The following EYS variants were observed in gnomAD, a reference collection of about 807,000 sequenced individuals.
The protein encoded by EYS is protein eyes shut homolog.
EYS carries 250 observed loss-of-function variants against 282.1 expected under a neutral mutation model. The ratio of observed to expected loss-of-function variants is 0.89; its 90% CI spans 0.80 to 0.98. EYS has a LOEUF of 0.98. EYS is among the 50% of genes least tolerant of loss of function. EYS has a pLI of 0.00. For missense variants in EYS, 4,016 were observed against 3,709.0 expected (o/e 1.08, Z -2.15); for synonymous variants, 1,355 against 1,282.9 (o/e 1.06, Z -1.20).
chr6:65,556,309 T>A (rs1275177519), intron 2 of EYS, among the ~76,000 whole-genome samples: 6 of 152,064 alleles, frequency 3.9e-5, no homozygotes, highest in Non-Finnish European at 5.9e-5. Context: ...CATTTATTTT[T>A]AAAAATATAT....
intron 22 of EYS, among the ~76,000 whole-genome samples, chr6:64,785,807 A>T (rs1482401855): frequency 1.3e-5 from 2 of 152,196 alleles, no homozygotes; most frequent in Non-Finnish European, 2.9e-5. Flanking sequence ...TAAATAAAGT[A>T]GATAAAGTCC....
At chr6:65,417,100 A>T (rs956209430) in intron 5 of EYS, among the ~76,000 whole-genome samples, 9 of 151,982 alleles carry the variant, frequency 5.9e-5, no homozygotes, top group Admixed American at 3.3e-4. Flanking sequence ...AGATAAACAA[A>T]ATAATTATTT....
chr6:63,957,110 C>G (rs1237726708), intron 35 of EYS, among the ~76,000 whole-genome samples: 1 of 142,596 alleles, frequency 7.0e-6, no homozygotes, highest in African/African-American at 2.4e-5. Flanking sequence ...TAACTCATGC[C>G]CGGATGAAGC....
At chr6:63,929,610 C>T (rs920499449) in intron 35 of EYS, among the ~76,000 whole-genome samples, 2 of 152,174 alleles carry the variant, frequency 1.3e-5, no homozygotes, top group Non-Finnish European at 2.9e-5. Flanking sequence ...TCAGCTGCTT[C>T]GAAAGGAAGG....
At chr6:64,853,676 T>G (rs1407266128) in intron 19 of EYS, among the ~76,000 whole-genome samples, 1 of 152,110 alleles carries the variant, frequency 6.6e-6, no homozygotes, top group Non-Finnish European at 1.5e-5. Flanking sequence ...GGCAATACCA[T>G]TCAGGACATA....
In EYS at chr6:65,139,306, G is replaced by A. The variant is rs566079871; in HGVS notation, c.2024-81579C>T. On this transcript the variant is annotated intron_variant, in intron 12 of 42. Transcript: ENST00000503581. ...AACAACATGGATGGAACTGAAGGCC[G>A]TTATCCTAAGCAAACTAATACAGGA... is the stretch of plus-strand genomic sequence containing the variant. Among the ~76,000 whole-genome samples the A allele has an allele frequency of 8.5e-5, 13 of 152,050 alleles. No individual in the cohort carries two copies. The South Asian group carries it at 1.7e-3, about 19-fold the overall frequency.
chr6:64,588,588 C>T (rs569944113), intron 26 of EYS, among the ~76,000 whole-genome samples: 1 of 152,154 alleles, frequency 6.6e-6, no homozygotes, highest in South Asian at 2.1e-4. Flanking sequence ...AGGTTCTGGT[C>T]CTTCTCTTAC....
intron 33 of EYS, among the ~76,000 whole-genome samples, chr6:64,010,095 T>C (rs1408232850): frequency 6.6e-6 from 1 of 152,168 alleles, no homozygotes; most frequent in Non-Finnish European, 1.5e-5. Context: ...TTTTTCTCTC[T>C]GGCCCCTTGA....
At chr6:65,173,425 T>G (rs1327575555) in intron 12 of EYS, among the ~76,000 whole-genome samples, 1 of 144,174 alleles carries the variant, frequency 6.9e-6, no homozygotes, top group African/African-American at 2.7e-5. Flanking sequence ...AACGGGGGAC[T>G]CACCAAGTAT....
intron 12 of EYS, among the ~76,000 whole-genome samples, chr6:65,171,415 C>A (rs770896200): frequency 4.0e-5 from 6 of 151,542 alleles, no homozygotes; most frequent in Non-Finnish European, 8.9e-5. Flanking sequence ...CTTTACTTAA[C>A]TTTTCAATGC....
At chr6:64,087,356 A>G (rs1772190012) in intron 31 of EYS, among the ~76,000 whole-genome samples, 1 of 152,094 alleles carries the variant, frequency 6.6e-6, no homozygotes, top group African/African-American at 2.4e-5. Context: ...ATAGAAGGAA[A>G]CCCCAAGTTA....
intron 13 of EYS, among the ~76,000 whole-genome samples, chr6:65,055,311 A>G (rs551374779): frequency 3.3e-5 from 5 of 152,200 alleles, no homozygotes; most frequent in African/African-American, 1.2e-4. Context: ...ATCAGAAATT[A>G]TTTGCAATTG....
At chr6:64,318,787 T>G (rs1205618879) in intron 29 of EYS, among the ~76,000 whole-genome samples, 1 of 151,816 alleles carries the variant, frequency 6.6e-6, no homozygotes, top group Non-Finnish European at 1.5e-5. Flanking sequence ...TATAGATATA[T>G]AGTAGGTATA....
chr6:64,923,670 G>A (rs939611380), intron 15 of EYS, among the ~76,000 whole-genome samples: 3 of 152,186 alleles, frequency 2.0e-5, no homozygotes, highest in African/African-American at 7.2e-5. Flanking sequence ...TATTGGGTAA[G>A]TACAGCTGTT....
chr6:65,318,422 G>T (rs1299188025), intron 11 of EYS, among the ~76,000 whole-genome samples: 1 of 149,812 alleles, frequency 6.7e-6, no homozygotes, highest in Non-Finnish European at 1.5e-5. Context: ...GACTAACCCT[G>T]GTATAGTGCG....
intron 26 of EYS, among the ~76,000 whole-genome samples, chr6:64,535,744 TAA>T (rs1025658003): frequency 6.9e-6 from 1 of 145,394 alleles, no homozygotes; most frequent in East Asian, 2.0e-4. Flanking sequence ...TGTCTCAAAA[TAA>T]AAAAAAAAGA....
At chr6:64,649,860 A>AAT (rs1221841669) in intron 22 of EYS, among the ~76,000 whole-genome samples, 1 of 152,130 alleles carries the variant, frequency 6.6e-6, no homozygotes, top group Non-Finnish European at 1.5e-5. Flanking sequence ...TGATCTCATA[A>AAT]ATATATATCT....
intron 30 of EYS, among the ~76,000 whole-genome samples, chr6:64,280,914 A>G (rs535611343): frequency 4.0e-4 from 61 of 152,180 alleles, no homozygotes; most frequent in Non-Finnish European, 7.5e-4. Context: ...TTAGGTAACT[A>G]TGTAAAATAT....
intron 1 of EYS, among the ~76,000 whole-genome samples, chr6:65,658,281 G>A (rs1484382556): frequency 1.3e-5 from 2 of 151,596 alleles, no homozygotes; most frequent in East Asian, 1.9e-4. Context: ...TCCTATATAG[G>A]ACCCTATAAC....
Sources: gnomAD v4.1 joint callset for allele counts (sites outside exome capture counted in the v4.1 genomes callset) on GRCh38, gnomAD v4.1.1 for gene constraint, MANE v1.5 for transcripts, NCBI Gene and HGNC (gene_info 2026-07-23, HGNC 2026-07-21) for gene names.